MGAT5B: variants seen among roughly 807,000 people sequenced by gnomAD.
The protein encoded by MGAT5B is N-acetylglucosaminyl-transferase Vb.
MGAT5B carries 54 observed loss-of-function variants against 95.1 expected under a neutral mutation model. That is an observed-to-expected ratio of 0.57 (90% confidence interval 0.46 to 0.71). MGAT5B has a LOEUF of 0.71. Among genes scored for constraint, MGAT5B ranks in the 30% least tolerant of loss-of-function variants. MGAT5B has a pLI of 0.00. For synonymous variants in MGAT5B, 464 were observed against 451.0 expected (o/e 1.03, Z -0.36); for missense variants, 935 against 1,088.6 (o/e 0.86, Z 1.99).
chr17:76,913,394 G>A lies in MGAT5B; in HGVS notation c.1025+7207G>A, dbSNP rs74624467. On this transcript the variant is annotated intron_variant, in intron 8 of 17. Coordinates refer to ENST00000569840, the MANE Select transcript of MGAT5B (RefSeq NM_001199172.2). ...ACCAGCTTGAGCTGACCAGAACCAG[G>A]CTGACCTGGGCAGCTCAAACCAGCT... is the stretch of plus-strand genomic sequence containing the variant. Among the ~76,000 whole-genome samples, 621 of 152,336 alleles carry A rather than the reference G, an allele frequency of 4.1e-3. 5 individuals are homozygous for A. The highest frequency in any genetic ancestry group is 0.014 in the African/African-American group (600 of 41,570).
At chr17:76,911,272 G>C (rs1317656574) in intron 8 of MGAT5B, among the ~76,000 whole-genome samples, 1 of 152,236 alleles carries the variant, frequency 6.6e-6, no homozygotes. Flanking sequence ...CAGTCTGGCG[G>C]TGGGGTTGGG....
At chr17:76,947,463 G>C (rs927080839) in intron 16 of MGAT5B, among the ~76,000 whole-genome samples, 2 of 152,104 alleles carry the variant, frequency 1.3e-5, no homozygotes, top group East Asian at 3.9e-4. Context: ...GCCAGCCTGG[G>C]GCCCTGTCCC....
At position 76,902,572 on chromosome 17, in the gene MGAT5B, G is replaced by T; in HGVS notation, c.347G>T (p.Gly116Val). 1 of 1,596,946 alleles carries T rather than the reference G, an allele frequency of 6.3e-7. No individual in the cohort carries two copies. The highest frequency in any genetic ancestry group is 1.1e-5 in the South Asian group (1 of 88,238). The change falls in exon 4 of 18, where the codon GGC becomes GTC. Residue 116 changes from glycine (G) to valine (V), a missense_variant. By Grantham distance (109) the Gly-to-Val change is moderately radical. Around this residue, in one of 4 missense-constraint regions of MGAT5B, gnomAD observed 243 missense variants for 228.2 expected, o/e 1.06. Coordinates refer to ENST00000569840, the MANE Select transcript of MGAT5B (RefSeq NM_001199172.2). ...CCACTTAGGATGCCCCCTGGGGCCG[G>T]CCTCATGGAGCGGATCCAGGCTATT... ...FPADRMPPGA[G>V]LMERIQAIAQ...
chr17:76,946,633 G>A (rs982021574), intron 16 of MGAT5B, among the ~76,000 whole-genome samples, 183 bp downstream of exon 16: 7 of 152,350 alleles, frequency 4.6e-5, no homozygotes, highest in Middle Eastern at 3.4e-3. Context: ...GCCTGACTGC[G>A]GGCCTGGAAA....
chr17:76,881,391 T>C (rs655149), intron 2 of MGAT5B, among the ~76,000 whole-genome samples: 55,317 of 152,038 alleles, frequency 0.36, 12,538 homozygotes, highest in African/African-American at 0.61. Context: ...AAGACCAGCT[T>C]GAGATTCAGA....
chr17:76,900,657 C>T (rs1185114047), intron 3 of MGAT5B, among the ~76,000 whole-genome samples: 1 of 152,222 alleles, frequency 6.6e-6, no homozygotes, highest in Non-Finnish European at 1.5e-5. Flanking sequence ...CCTGCTGCCA[C>T]CTCGCTGTCT....
Position 76,903,374 on chromosome 17 carries a change from G to A in MGAT5B, c.517G>A (p.Glu173Lys). 6.2e-7 allele frequency: 1 copy of A among 1,610,472 alleles called. No individual in the cohort carries two copies. The highest frequency in any genetic ancestry group is 8.5e-7 in the Non-Finnish European group (1 of 1,178,322). ...PKFPDCSGKV[E>K]WMRARWTSDP... The stretch of plus-strand genomic sequence containing the variant: ...GTTCCCTGACTGCTCAGGGAAGGTG[G>A]AGGTGAGGCCTGGGGCTGAGGGGTG... The change falls in exon 5 of 18, where the codon GAG (glutamate) becomes AAG (lysine). Residue 173 changes from glutamate (E) to lysine (K), a missense_variant and splice_region_variant. Around this residue, in one of 4 missense-constraint regions of MGAT5B, gnomAD observed 243 missense variants for 305.5 expected, o/e 0.80. Transcript: ENST00000569840.
intron 8 of MGAT5B, among the ~76,000 whole-genome samples, chr17:76,908,275 C>CTTTTTTTTTTTTTTTTT (rs5822149): frequency 4.9e-5 from 5 of 103,070 alleles, no homozygotes; most frequent in East Asian, 2.8e-4. Context: ...TTTCTTTCTT[C>CTTTTTTTTTTTTTTTTT]TTTTTTTTTT....
chr17:76,940,773 G>A lies in MGAT5B; in HGVS notation c.1773G>A (p.Lys591=), dbSNP rs754265399. ...CCTACGCGGAGAACTTCATCGGCAA[G>A]CCCCACGTGTGGACAGTCGACTACA... ...QHPYAENFIG[K]PHVWTVDYNN... is the part of the protein sequence containing the mutation. Residue 591 remains lysine, a synonymous_variant, in exon 15 of 18, where the codon AAG becomes AAA. Transcript: ENST00000569840. This position sits in a 1 kb window ranked among gnomAD's most constrained non-coding sequence, Gnocchi z 4.3. The A allele has an allele frequency of 5.0e-6, 8 of 1,614,036 alleles. No individual in the cohort carries two copies. The Admixed American group carries it at 1.0e-4, about 20-fold the overall frequency.
At chr17:76,888,629 G>A (rs1187353610) in intron 3 of MGAT5B, among the ~76,000 whole-genome samples, 1 of 152,136 alleles carries the variant, frequency 6.6e-6, no homozygotes, top group Non-Finnish European at 1.5e-5. Flanking sequence ...TGGAGAGCTC[G>A]TTCTCAGGGG....
At chr17:76,877,052 G>A (rs1204310879) in intron 2 of MGAT5B, among the ~76,000 whole-genome samples, 3 of 152,144 alleles carry the variant, frequency 2.0e-5, no homozygotes, top group African/African-American at 7.2e-5. Flanking sequence ...GAGGCTGGGT[G>A]TGGTGGCTCA....
In MGAT5B at chr17:76,906,406, C is replaced by T. The variant is rs1368705071; in HGVS notation, c.1025+219C>T. On this transcript the variant is annotated intron_variant, in intron 8 of 17. Transcript: ENST00000569840. This position sits in a 1 kb window ranked among gnomAD's most constrained non-coding sequence, Gnocchi z 4.6. ...GGGATGTGGCAGGGAAGTGTATTTG[C>T]ATAGCGCTGTCTGGCCAGGGCCTGG... is the stretch of plus-strand genomic sequence containing the variant. 1.3e-5 allele frequency among the ~76,000 whole-genome samples: 2 copies of T among 152,232 alleles called. No individual in the cohort carries two copies. Among genetic ancestry groups the T allele is most frequent in the Non-Finnish European group, 2.9e-5 (2 of 68,048 alleles).
intron 16 of MGAT5B, 122 bp from the exon 17 acceptor site, chr17:76,947,708 G>A (rs958322096): frequency 7.2e-7 from 1 of 1,387,926 alleles, no homozygotes; most frequent in African/African-American, 1.5e-5. Context: ...AAAGCTACCT[G>A]GTATTCAGTA....
In MGAT5B at chr17:76,918,771, G is replaced by A. The variant is rs1218329207; in HGVS notation, c.1026-6195G>A. The stretch of plus-strand genomic sequence containing the variant: ...CAGAACGTCCCAGGCTGCCCCAGCT[G>A]TGTGTTCCCCTTGAGAGGCACCCAG... On this transcript the variant is annotated intron_variant, in intron 8 of 17. Coordinates refer to ENST00000569840, the MANE Select transcript of MGAT5B (RefSeq NM_001199172.2). The surrounding 1 kb of genome is among the most constrained non-coding windows in gnomAD (Gnocchi z 5.1). Among the ~76,000 whole-genome samples the A allele has an allele frequency of 4.6e-5, 7 of 152,196 alleles. No individual in the cohort carries two copies. Among genetic ancestry groups the A allele is most frequent in the African/African-American group, 1.2e-4 (5 of 41,452 alleles).
At chr17:76,886,651 T>A (rs1166039471) in intron 3 of MGAT5B, among the ~76,000 whole-genome samples, 1 of 151,620 alleles carries the variant, frequency 6.6e-6, no homozygotes, top group Non-Finnish European at 1.5e-5. Flanking sequence ...CCGAGGGAGG[T>A]GGACCAGGGA....
intron 15 of MGAT5B, among the ~76,000 whole-genome samples, chr17:76,945,566 G>A (rs867500052): frequency 1.5e-4 from 23 of 152,330 alleles, no homozygotes; most frequent in Admixed American, 5.9e-4. Flanking sequence ...TGGGATTACA[G>A]GCATGAGCCA....
chr17:76,926,773 C>T (rs761547965), intron 10 of MGAT5B, 43 bp downstream of exon 10: 4 of 1,603,330 alleles, frequency 2.5e-6, no homozygotes, highest in African/African-American at 1.3e-5. Flanking sequence ...AGGTCCTCCT[C>T]ATGGTTCTCA....
chr17:76,919,531 A>G (rs1567813700), intron 8 of MGAT5B, among the ~76,000 whole-genome samples: 1 of 152,160 alleles, frequency 6.6e-6, no homozygotes, highest in Non-Finnish European at 1.5e-5. Flanking sequence ...CCAGGTTCAA[A>G]CGATTCTCCC....
chr17:76,907,561 T>C (rs1295314100), intron 8 of MGAT5B, among the ~76,000 whole-genome samples: 2 of 152,268 alleles, frequency 1.3e-5, no homozygotes, highest in Non-Finnish European at 1.5e-5. Context: ...TTTTCACTGC[T>C]ATATAATATT....
Sources: gnomAD v4.1 joint callset for allele counts (sites outside exome capture counted in the v4.1 genomes callset) on GRCh38, gnomAD v4.1.1 for gene constraint, gnomAD v4.1.1 regional missense constraint, Gnocchi (gnomAD v3.1) non-coding constraint, MANE v1.5 for transcripts, NCBI Gene and HGNC (gene_info 2026-07-23, HGNC 2026-07-21) for gene names.